BTBD16: variants seen among roughly 807,000 people sequenced by gnomAD.
BTBD16 encodes BTB domain containing 16.
Under a neutral mutation model 67.4 loss-of-function variants are expected in BTBD16, and 66 were observed. The ratio of observed to expected loss-of-function variants is 0.98; its 90% confidence interval spans 0.80 to 1.20. The LOEUF (loss-of-function observed/expected upper bound fraction) is 1.20. Among genes scored for constraint, BTBD16 ranks in the 50% most tolerant of loss-of-function variants. BTBD16 has a pLI of 0.00. For synonymous variants in BTBD16, 242 were observed against 236.4 expected (o/e 1.02, Z -0.22); for missense variants, 634 against 616.0 (o/e 1.03, Z -0.31).
intron 9 of BTBD16, among the ~76,000 whole-genome samples, chr10:122,301,153 C>T (rs185858467): frequency 3.3e-5 from 5 of 152,126 alleles, no homozygotes; most frequent in East Asian, 3.9e-4. Flanking sequence ...GCAAAGGTTG[C>T]GCAATTGTTG....
At chr10:122,336,164 G>A (rs901148101) in intron 14 of BTBD16, among the ~76,000 whole-genome samples, 15 of 152,288 alleles carry the variant, frequency 9.8e-5, no homozygotes, top group African/African-American at 3.6e-4. Flanking sequence ...GGGTGGAAGA[G>A]ATGAATTATG....
Position 122,272,105 on chromosome 10 carries a change from A to C in BTBD16, c.-43+591A>C, listed in dbSNP as rs77725518. Among the ~76,000 whole-genome samples, 1,121 of 152,288 alleles carry C rather than the reference A, an allele frequency of 7.4e-3. 36 individuals are homozygous for C. The highest frequency in any genetic ancestry group is 0.055 in the Admixed American group (843 of 15,298). On this transcript the variant is annotated intron_variant, in intron 1 of 15. Coordinates refer to ENST00000260723, the MANE Select transcript of BTBD16 (RefSeq NM_144587.5). ...CATCATCCTGGCTCCTGTGAGGTAA[A>C]GGGATCAGAAAAGCATGTATGTGTT...
intron 7 of BTBD16, chr10:122,294,236 T>C (rs777528231): frequency 1.0e-6 from 1 of 984,964 alleles, no homozygotes; most frequent in Non-Finnish European, 1.2e-6. Flanking sequence ...ACATGTGTGT[T>C]TGTGTGTCTG....
intron 9 of BTBD16, among the ~76,000 whole-genome samples, chr10:122,301,228 A>T (rs1035971325): frequency 1.1e-4 from 16 of 152,194 alleles, no homozygotes; most frequent in Non-Finnish European, 2.2e-4. Flanking sequence ...GGAAAGGCTG[A>T]GCTGTCACAC....
At chr10:122,302,898 T>C (rs1376909029) in intron 9 of BTBD16, among the ~76,000 whole-genome samples, 2 of 151,978 alleles carry the variant, frequency 1.3e-5, no homozygotes, top group African/African-American at 2.4e-5. Context: ...AACATGAGAG[T>C]TGGGATTTGA....
chr10:122,328,874 G>C (rs2133314196), intron 10 of BTBD16: 2 of 955,896 alleles, frequency 2.1e-6, no homozygotes, highest in African/African-American at 1.8e-5. Flanking sequence ...ACTGGAGCTT[G>C]GTATTAACAC....
chr10:122,286,820 T>G (rs1229337881), intron 5 of BTBD16, among the ~76,000 whole-genome samples: 1 of 152,192 alleles, frequency 6.6e-6, no homozygotes, highest in Non-Finnish European at 1.5e-5. Flanking sequence ...TTTCCAGTCC[T>G]GACCACCCCA....
In BTBD16 at chr10:122,317,145, A is replaced by G. The variant is rs536364368; in HGVS notation, c.911+9837A>G. On this transcript the variant is annotated intron_variant, in intron 10 of 15. Coordinates refer to ENST00000260723, the MANE Select transcript of BTBD16 (RefSeq NM_144587.5). ...GGCTACACTCAAATGTTCTTTCTTC[A>G]ATAACAAATAAACTTTAGCTTACTA... Among the ~76,000 whole-genome samples the G allele has an allele frequency of 2.9e-3, 441 of 152,288 alleles. 1 individual carries two copies. The highest frequency in any genetic ancestry group is 6.8e-3 in the Middle Eastern group (2 of 294).
intron 9 of BTBD16, among the ~76,000 whole-genome samples, chr10:122,306,778 T>A (rs937536201): frequency 2.6e-5 from 4 of 152,190 alleles, no homozygotes; most frequent in African/African-American, 9.6e-5. Context: ...ACACTAAAAT[T>A]TTAAATAAAT....
chr10:122,313,427 G>A (rs10887124), intron 10 of BTBD16, among the ~76,000 whole-genome samples: 80,459 of 151,198 alleles, frequency 0.53, 21,835 homozygotes, highest in African/African-American at 0.65. Context: ...ACCACACCTC[G>A]CTACTTTTTG....
intron 10 of BTBD16, among the ~76,000 whole-genome samples, chr10:122,321,039 A>G (rs917246230): frequency 3.3e-5 from 5 of 152,024 alleles, no homozygotes; most frequent in Non-Finnish European, 5.9e-5. Context: ...ACTTTCTATT[A>G]TTCCCATCTT....
At position 122,274,229 on chromosome 10, in the gene BTBD16, CAG is replaced by C. The variant is rs138261494; in HGVS notation, c.-42-810_-42-809del. On this transcript the variant is annotated intron_variant, in intron 1 of 15. Transcript: ENST00000260723. ...GAGAATTAGTCAAGGTGTCTGCCCTCAGGGGCCAAAGAGTGGGCCCCTGAGCT... is the reference window on the plus strand; with the variant it reads ...GAGAATTAGTCAAGGTGTCTGCCCTCGGGCCAAAGAGTGGGCCCCTGAGCT... Among the ~76,000 whole-genome samples the C allele has an allele frequency of 3.9e-3, 590 of 152,350 alleles. 3 individuals carry two copies. Among genetic ancestry groups the C allele is most frequent in the African/African-American group, 0.013 (558 of 41,594 alleles).
chr10:122,276,575 C>G (rs868213992), intron 2 of BTBD16, among the ~76,000 whole-genome samples: 8 of 152,170 alleles, frequency 5.3e-5, no homozygotes, highest in Middle Eastern at 3.2e-3. Context: ...GTCCTAGATC[C>G]TAAATTCCAA....
chr10:122,301,752 T>C (rs1440283535), intron 9 of BTBD16, among the ~76,000 whole-genome samples: 10 of 152,144 alleles, frequency 6.6e-5, no homozygotes, highest in Admixed American at 6.5e-4. Flanking sequence ...AACTAACATT[T>C]TGGTGTGTGC....
chr10:122,325,844 T>G (rs1416219811), intron 10 of BTBD16, among the ~76,000 whole-genome samples: 1 of 151,818 alleles, frequency 6.6e-6, no homozygotes, highest in Non-Finnish European at 1.5e-5. Flanking sequence ...CCTGGCTAAT[T>G]TTTGTATTTT....
At chr10:122,330,306 A>G (rs894058601) in intron 11 of BTBD16, among the ~76,000 whole-genome samples, 10 of 152,166 alleles carry the variant, frequency 6.6e-5, no homozygotes, top group Admixed American at 6.5e-4. Flanking sequence ...GGGACCTGGG[A>G]AGAGAGATCT....
At position 122,335,301 on chromosome 10, in the gene BTBD16, A is replaced by G. The variant is rs1308276845; in HGVS notation, c.1263+322A>G. Among the ~76,000 whole-genome samples the G allele has an allele frequency of 4.6e-5, 7 of 152,198 alleles. No homozygotes were observed. In the East Asian group the frequency reaches 9.6e-4, roughly 21 times the overall value. On this transcript the variant is annotated intron_variant, in intron 14 of 15. Transcript: ENST00000260723. ...AGCTCACTTCATCTTCAATTTATAC[A>G]TACAATTCAGTTATTCTCCCATGAA...
At chr10:122,305,492 C>A (rs2096402082) in intron 9 of BTBD16, among the ~76,000 whole-genome samples, 1 of 152,160 alleles carries the variant, frequency 6.6e-6, no homozygotes, top group East Asian at 1.9e-4. Flanking sequence ...CTTGCTCTCT[C>A]CTGCTCTTGC....
intron 6 of BTBD16, 142 bp from the exon 7 acceptor site, chr10:122,290,938 G>A (rs1011086534): frequency 1.6e-5 from 20 of 1,228,542 alleles, no homozygotes; most frequent in African/African-American, 6.2e-5. Flanking sequence ...GCTTCTGGGC[G>A]GTGCCTGCAT....
Sources: gnomAD v4.1 joint callset for allele counts (sites outside exome capture counted in the v4.1 genomes callset) on GRCh38, gnomAD v4.1.1 for gene constraint, MANE v1.5 for transcripts, NCBI Gene and HGNC (gene_info 2026-07-23, HGNC 2026-07-21) for gene names.